The following MAL2 variants were observed in gnomAD, a reference collection of about 807,000 sequenced individuals.
MAL2 encodes the protein mal, T cell differentiation protein 2.
A neutral mutation model predicts 18.1 loss-of-function variants in MAL2; 17 were observed. The ratio of observed to expected loss-of-function variants is 0.94; its 90% CI spans 0.64 to 1.41. MAL2 has a LOEUF of 1.41. MAL2 is among the 40% of genes most tolerant of loss of function. The pLI is 0.00. For synonymous variants in MAL2, 102 were observed against 102.3 expected (o/e 1.00, Z 0.02); for missense variants, 222 against 231.9 (o/e 0.96, Z 0.28).
chr8:119,231,163 C>T (rs527900051), intron 2 of MAL2, among the ~76,000 whole-genome samples: 111 of 152,260 alleles, frequency 7.3e-4, no homozygotes, highest in African/African-American at 2.6e-3. Context: ...TCCCAAGTAG[C>T]TGGGACCACA....
At chr8:119,232,735 AAG>A (rs1817759816) in intron 2 of MAL2, among the ~76,000 whole-genome samples, 1 of 152,224 alleles carries the variant, frequency 6.6e-6, no homozygotes, top group Non-Finnish European at 1.5e-5. Context: ...CCATAATAAA[AAG>A]ATGTTATTTA....
chr8:119,216,420 ATTAAC>A (rs1320413931), intron 1 of MAL2, among the ~76,000 whole-genome samples: 1 of 152,310 alleles, frequency 6.6e-6, no homozygotes, highest in Non-Finnish European at 1.5e-5. Flanking sequence ...TTGTACCTCA[ATTAAC>A]TTACCTATAA....
rs773428151 is a variant in MAL2 at position 119,240,115 on chromosome 8, C to G, written c.304-50C>G. ...AAACTTCATTATTTAAAATAAGGAA[C>G]AGAAAAATATTTTTTTTTAATTGCA... On this transcript the variant is annotated intron_variant, in intron 2 of 3. Transcript: ENST00000614891. 10 of 1,565,816 alleles carry G rather than the reference C, an allele frequency of 6.4e-6. No individual in the cohort carries two copies. The African/African-American group carries it at 1.1e-4, about 17-fold the overall frequency.
chr8:119,237,137 C>T (rs1336827209), intron 2 of MAL2, among the ~76,000 whole-genome samples: 10 of 152,090 alleles, frequency 6.6e-5, no homozygotes, highest in Non-Finnish European at 1.0e-4. Flanking sequence ...ATACAAACTG[C>T]CATCAGAGAA....
rs548608162 is a variant in MAL2, at chr8:119,243,607, A to G, written c.*119A>G. 4.2e-6 allele frequency: 3 copies of G among 713,324 alleles called. No homozygotes were observed. The highest frequency in any genetic ancestry group is 2.1e-6 in the Non-Finnish European group (1 of 481,048). 44.2% of individuals were successfully genotyped at this position (713,324 alleles called of 1,614,324 possible). On this transcript the variant is annotated 3_prime_UTR_variant, in exon 4 of 4. Coordinates refer to ENST00000614891, the MANE Select transcript of MAL2 (RefSeq NM_052886.3). ...ATTCCAAAAGTAATGTGTTTAGTAG[A>G]GAGAGACTCTAAGCTCAAGTTCTGG...
At chr8:119,234,687 C>T (rs1470683594) in intron 2 of MAL2, among the ~76,000 whole-genome samples, 2 of 151,846 alleles carry the variant, frequency 1.3e-5, no homozygotes, top group Non-Finnish European at 2.9e-5. Flanking sequence ...AGGCACCCCC[C>T]AGCAGGGGCA....
intron 3 of MAL2, among the ~76,000 whole-genome samples, chr8:119,240,706 A>T (rs561403074): frequency 6.6e-6 from 1 of 152,270 alleles, no homozygotes; most frequent in African/African-American, 2.4e-5. Context: ...TTTCTATTGA[A>T]TGAATAGTTA....
At chr8:119,227,042 G>A (rs927996413) in intron 2 of MAL2, among the ~76,000 whole-genome samples, 4 of 152,202 alleles carry the variant, frequency 2.6e-5, no homozygotes, top group African/African-American at 9.6e-5. Flanking sequence ...GTTGGGAATA[G>A]TTACTGAGTA....
chr8:119,228,971 G>A (rs1232223503), intron 2 of MAL2, among the ~76,000 whole-genome samples: 1 of 152,152 alleles, frequency 6.6e-6, no homozygotes, highest in African/African-American at 2.4e-5. Flanking sequence ...GCAGTGGGTA[G>A]ATCAGCTTTG....
chr8:119,209,757 C>G (rs1361901416), intron 1 of MAL2, among the ~76,000 whole-genome samples: 1 of 152,104 alleles, frequency 6.6e-6, no homozygotes, highest in Non-Finnish European at 1.5e-5. Flanking sequence ...AAGTTTAGCC[C>G]GGATTTGAAT....
In MAL2 at chr8:119,208,829, A is replaced by C. The variant is rs1817226886; in HGVS notation, c.132+225A>C. The stretch of plus-strand genomic sequence containing the variant: ...CACCTGCTCCCCCGCGGGCGACGGA[A>C]ATTGCCTGGGGAGGGCGAGTAGGCG... On this transcript the variant is annotated intron_variant, in intron 1 of 3. Transcript: ENST00000614891. The surrounding 1 kb of genome is among the most constrained non-coding windows in gnomAD (Gnocchi z 4.3). The C allele has an allele frequency of 1.6e-6, 1 of 612,904 alleles. No individual in the cohort carries two copies. Among genetic ancestry groups the C allele is most frequent in the East Asian group, 4.0e-5 (1 of 25,158 alleles). 38.0% of individuals were successfully genotyped at this position (612,904 alleles called of 1,614,324 possible). A position where few individuals can be genotyped will look rare whatever the true frequency, so the allele number is the denominator to read the frequency against.
intron 1 of MAL2, among the ~76,000 whole-genome samples, chr8:119,214,016 C>T (rs1210524086): frequency 6.6e-6 from 1 of 152,050 alleles, no homozygotes; most frequent in Non-Finnish European, 1.5e-5. Flanking sequence ...AGGAAAAAGT[C>T]ATAGAGAAGA....
chr8:119,241,353 C>T (rs889601875), intron 3 of MAL2, among the ~76,000 whole-genome samples: 1 of 151,964 alleles, frequency 6.6e-6, no homozygotes, highest in Admixed American at 6.6e-5. Flanking sequence ...CATAGCAAAA[C>T]CTTGTCTCTG....
At position 119,245,101 on chromosome 8, in the gene MAL2, A is replaced by G. The variant is rs1818125387; in HGVS notation, c.*1613A>G. 6.6e-6 allele frequency: 1 copy of G among 152,598 alleles called. No homozygotes were observed. Among genetic ancestry groups the G allele is most frequent in the Non-Finnish European group, 1.5e-5 (1 of 68,034 alleles). The allele number at this position is 152,598 out of a possible 1,614,324, so 9.5% of individuals were successfully genotyped here. A position where few individuals can be genotyped will look rare whatever the true frequency, so the allele number is the denominator to read the frequency against. ...TGTTAGATCTTGGTTTGTGATAAAAATATAAAGACAGAAGACATGAGGAAA... is the reference window on the plus strand; with the variant it reads ...TGTTAGATCTTGGTTTGTGATAAAAGTATAAAGACAGAAGACATGAGGAAA... On this transcript the variant is annotated 3_prime_UTR_variant, in exon 4 of 4. Transcript: ENST00000614891.
chr8:119,217,680 T>C (rs1587121236), intron 1 of MAL2, among the ~76,000 whole-genome samples: 2 of 152,178 alleles, frequency 1.3e-5, no homozygotes, highest in East Asian at 3.9e-4. Context: ...ATATAATAGT[T>C]CCGAATACCT....
intron 1 of MAL2, among the ~76,000 whole-genome samples, chr8:119,219,264 G>A (rs1199997077): frequency 1.3e-5 from 2 of 152,134 alleles, no homozygotes; most frequent in African/African-American, 2.4e-5. Flanking sequence ...CATTGATCAA[G>A]TGATCATTTA....
chr8:119,220,019 T>C (rs1397041235), intron 1 of MAL2, among the ~76,000 whole-genome samples: 1 of 152,092 alleles, frequency 6.6e-6, no homozygotes, highest in Non-Finnish European at 1.5e-5. Context: ...GGATTTTTTT[T>C]CTCCCCCTAA....
intron 1 of MAL2, among the ~76,000 whole-genome samples, chr8:119,217,923 T>C (rs1464819491): frequency 6.6e-6 from 1 of 152,192 alleles, no homozygotes; most frequent in Non-Finnish European, 1.5e-5. Flanking sequence ...ATTTTTTAAG[T>C]TCAGTTTTTT....
rs1817612777 is a variant in MAL2 at position 119,227,123 on chromosome 8, T to A, written c.303+5366T>A. 1.3e-5 allele frequency among the ~76,000 whole-genome samples: 2 copies of A among 151,988 alleles called. 1 individual carries two copies. Among genetic ancestry groups the A allele is most frequent in the South Asian group, 4.2e-4 (2 of 4,812 alleles). On this transcript the variant is annotated intron_variant, in intron 2 of 3. Transcript: ENST00000614891. ...AGATCTAGCAGTTGCTGTCAAAGAG[T>A]TTGTTGTAGTAGACAATGTAAGTAA...
Sources: gnomAD v4.1 joint callset for allele counts (sites outside exome capture counted in the v4.1 genomes callset) on GRCh38, gnomAD v4.1.1 for gene constraint, Gnocchi (gnomAD v3.1) non-coding constraint, MANE v1.5 for transcripts, NCBI Gene and HGNC (gene_info 2026-07-23, HGNC 2026-07-21) for gene names.